Variants in ACLY observed in about 807,000 individuals in gnomAD.
ACLY encodes ATP citrate lyase, also known as ATP-citrate synthase.
A neutral mutation model predicts 133.0 loss-of-function variants in ACLY; 41 were observed. The observed-to-expected ratio is 0.31, with a 90% CI of 0.24 to 0.40. The LOEUF (loss-of-function observed/expected upper bound fraction) is 0.40, where lower values mean the gene tolerates loss of function less well. Among genes scored for constraint, ACLY ranks in the 10% least tolerant of loss-of-function variants. The probability of loss-of-function intolerance (pLI) is 1.00; values close to 1 mark genes in which losing one functional copy is unlikely to be tolerated. For missense variants in ACLY, 1,046 were observed against 1,453.8 expected (o/e 0.72, Z 4.56); for synonymous variants, 495 against 549.3 (o/e 0.90, Z 1.38).
chr17:41,913,940 G>A (rs781978610), intron 1 of ACLY, 44 bp from the exon 2 acceptor site: 28 of 1,591,936 alleles, frequency 1.8e-5, no homozygotes, highest in Non-Finnish European at 2.3e-5. Context: ...CAGGCGTGTG[G>A]AGGCACTATC....
chr17:41,869,372 C>G, intron 26 of ACLY, 102 bp downstream of exon 26: 1 of 1,006,168 alleles, frequency 9.9e-7, no homozygotes, highest in African/African-American at 1.6e-5. Context: ...TTCTAGAAAA[C>G]TAGGTTTGCT....
chr17:41,887,169 T>G (rs2049075014), intron 17 of ACLY, among the ~76,000 whole-genome samples: 3 of 134,912 alleles, frequency 2.2e-5, no homozygotes, highest in Admixed American at 1.5e-4. Flanking sequence ...CCAAACACGG[T>G]GGCTCACACC....
chr17:41,877,856 C>T (rs544338800), intron 22 of ACLY, among the ~76,000 whole-genome samples: 1 of 152,240 alleles, frequency 6.6e-6, no homozygotes, highest in East Asian at 1.9e-4. Context: ...TTTTGGGACT[C>T]GGACTGGCTC....
intron 20 of ACLY, among the ~76,000 whole-genome samples, chr17:41,881,412 G>A (rs1348320734): frequency 2.0e-5 from 2 of 101,660 alleles, no homozygotes; most frequent in East Asian, 3.0e-4. Context: ...GAGAGACTCC[G>A]TCTCAAAAAA....
At chr17:41,879,820 G>A (rs1291027928) in intron 20 of ACLY, among the ~76,000 whole-genome samples, 1 of 151,440 alleles carries the variant, frequency 6.6e-6, no homozygotes, top group Non-Finnish European at 1.5e-5. Context: ...CCAGGCTCGG[G>A]TGATTCTCCC....
chr17:41,889,058 C>T (rs528059603), intron 16 of ACLY, among the ~76,000 whole-genome samples: 95 of 151,568 alleles, frequency 6.3e-4, no homozygotes, highest in African/African-American at 2.2e-3. Flanking sequence ...GCAGAGGTTG[C>T]GGTGAGCCGA....
rs781984028 is a variant in ACLY, at chr17:41,867,174, C to A, written c.*636G>T. 1 of 152,642 alleles carries A rather than the reference C, an allele frequency of 6.6e-6. No individual in the cohort carries two copies. The highest frequency in any genetic ancestry group is 1.5e-5 in the Non-Finnish European group (1 of 68,044). 9.5% of individuals were successfully genotyped at this position (152,642 alleles called of 1,614,324 possible). A position where few individuals can be genotyped will look rare whatever the true frequency, so the allele number is the denominator to read the frequency against. On this transcript the variant is annotated 3_prime_UTR_variant, in exon 29 of 29. Transcript: ENST00000352035. ...CAACTTTACATATTAAGTTACTACTCCACATATTTTGTGACAATGGCTAAG... is the reference window on the plus strand; with the variant it reads ...CAACTTTACATATTAAGTTACTACTACACATATTTTGTGACAATGGCTAAG...
In ACLY at chr17:41,896,647, A is replaced by C. The variant is rs2049375904; in HGVS notation, c.1432T>G (p.Ser478Ala). Reference protein sequence around the residue: ...KKAKPAMPQDSVPSPRSLQGK... With the variant: ...KKAKPAMPQDAVPSPRSLQGK... ...TGCAGGGATCTTGGACTTGGGACTG[A>C]ATCTGTCAAAGAAAATGACCAAGGC... Residue 478 changes from serine (S) to alanine (A), a missense_variant and splice_region_variant, in exon 14 of 29, where the codon TCA (serine) becomes GCA (alanine). By Grantham distance (99) the Ser-to-Ala change is moderately conservative (BLOSUM62 1). Around this residue, in one of 4 missense-constraint regions of ACLY, gnomAD observed 575 missense variants for 804.2 expected, o/e 0.71. Coordinates refer to ENST00000352035, the MANE Select transcript of ACLY (RefSeq NM_001096.3). 1 of 1,573,026 alleles carries C rather than the reference A, an allele frequency of 6.4e-7. No homozygotes were observed. The highest frequency in any genetic ancestry group is 8.6e-7 in the Non-Finnish European group (1 of 1,158,312).
chr17:41,873,986 G>T, intron 22 of ACLY, 21 bp from the exon 23 acceptor site: 1 of 1,575,956 alleles, frequency 6.3e-7, no homozygotes, highest in Non-Finnish European at 8.7e-7. Flanking sequence ...ATGGGGAAGA[G>T]GGAAGCAGGG....
chr17:41,891,630 G>A (rs2049215408), intron 16 of ACLY, among the ~76,000 whole-genome samples: 1 of 151,430 alleles, frequency 6.6e-6, no homozygotes, highest in Admixed American at 6.6e-5. Flanking sequence ...CAATCTTCTT[G>A]CCTTGACCTC....
chr17:41,873,761 C>T lies in ACLY; in HGVS notation c.2642+50G>A, dbSNP rs115627685. ...TCCCACCCCTTTGTTGGGGGAAAAT[C>T]ATTAACTCTGAGCTGCAGGGCCCTG... On this transcript the variant is annotated intron_variant, in intron 23 of 28. Coordinates refer to ENST00000352035, the MANE Select transcript of ACLY (RefSeq NM_001096.3). The T allele has an allele frequency of 7.9e-4, 1,170 of 1,484,518 alleles. 8 individuals carry two copies. In the African/African-American group the frequency reaches 0.015, roughly 19 times the overall value. 92.0% of individuals were successfully genotyped at this position (1,484,518 alleles called of 1,614,324 possible). A position where few individuals can be genotyped will look rare whatever the true frequency, so the allele number is the denominator to read the frequency against.
intron 20 of ACLY, among the ~76,000 whole-genome samples, chr17:41,879,829 C>T (rs1350557105): frequency 6.6e-6 from 1 of 151,308 alleles, no homozygotes; most frequent in Non-Finnish European, 1.5e-5. Flanking sequence ...GGTGATTCTC[C>T]CACCTCCTCC....
chr17:41,878,691 C>T (rs1446360287), intron 21 of ACLY, 106 bp downstream of exon 21: 7 of 1,411,798 alleles, frequency 5.0e-6, no homozygotes, highest in East Asian at 4.6e-5. Flanking sequence ...CGCTAGACAC[C>T]GAGAGGGACC....
Position 41,929,584 on chromosome 17 carries a change from A to T in ACLY, c.-28+774T>A, listed in dbSNP as rs553869523. On this transcript the variant is annotated intron_variant, in intron 1 of 3. Coordinates refer to the ACLY transcript ENST00000592970. ...TTTAATTACTAGTTAATATCACTTA[A>T]GTGGCCGTTACTTGTTTATACATCT... is the stretch of plus-strand genomic sequence containing the variant. Among the ~76,000 whole-genome samples, 217 of 152,276 alleles carry T rather than the reference A, an allele frequency of 1.4e-3. 2 individuals are homozygous for T. The highest frequency in any genetic ancestry group is 8.0e-3 in the Admixed American group (123 of 15,280).
In ACLY at chr17:41,909,671, G is replaced by A; in HGVS notation, c.375C>T (p.Ala125=). The change falls in exon 5 of 29, where the codon GCC becomes GCT. Residue 125 remains alanine, a synonymous_variant. Coordinates refer to ENST00000352035, the MANE Select transcript of ACLY (RefSeq NM_001096.3). The part of the protein sequence containing the change: ...QAEEFYVCIY[A]TREGDYVLFH... The stretch of plus-strand genomic sequence containing the variant: ...ACAGGACGTAGTCCCCTTCTCGGGT[G>A]GCATAGATGCAGACATAGAACTCCT... 1 of 1,614,138 alleles carries A rather than the reference G, an allele frequency of 6.2e-7. No individual in the cohort carries two copies. Among genetic ancestry groups the A allele is most frequent in the Non-Finnish European group, 8.5e-7 (1 of 1,180,002 alleles).
At chr17:41,909,769 T>C in intron 4 of ACLY, 69 bp from the exon 5 acceptor site, 16 of 1,406,462 alleles carry the variant, frequency 1.1e-5, no homozygotes, top group Non-Finnish European at 1.6e-5. Flanking sequence ...GGCGCTGAAC[T>C]GGGGAAGATG....
rs563786643 is a variant in ACLY at position 41,889,011 on chromosome 17, G to T, written c.1771-1308C>A. On this transcript the variant is annotated intron_variant, in intron 16 of 28. Coordinates refer to ENST00000352035, the MANE Select transcript of ACLY (RefSeq NM_001096.3). Reference sequence around the variant, plus strand: ...TGCATGCCTGTAATCCCAGCTACTTGGGAGGCTGAGGCAGGAGAATCACTT... The same window carrying T: ...TGCATGCCTGTAATCCCAGCTACTTTGGAGGCTGAGGCAGGAGAATCACTT... Among the ~76,000 whole-genome samples, 6 of 152,174 alleles carry T rather than the reference G, an allele frequency of 3.9e-5. No homozygotes were observed. The South Asian group carries it at 1.2e-3, about 32-fold the overall frequency.
chr17:41,876,136 G>A (rs1387834671), intron 22 of ACLY, among the ~76,000 whole-genome samples: 80 of 151,694 alleles, frequency 5.3e-4, no homozygotes, highest in African/African-American at 1.5e-3. Flanking sequence ...CCCTCCGCCC[G>A]GCAGCCGCCC....
chr17:41,897,683 GGA>G, intron 13 of ACLY, 64 bp downstream of exon 13: 1 of 1,461,764 alleles, frequency 6.8e-7, no homozygotes, highest in Non-Finnish European at 9.3e-7. Flanking sequence ...AAGGGAAAGG[GGA>G]GAGAGATACA....
Sources: allele counts gnomAD v4.1 joint callset (sites outside exome capture counted in the v4.1 genomes callset), GRCh38; gene constraint gnomAD v4.1.1; regional missense constraint gnomAD v4.1.1; transcripts MANE v1.5; gene names NCBI Gene and HGNC (gene_info 2026-07-23, HGNC 2026-07-21).